Variants in LRRTM4 observed in about 807,000 individuals in gnomAD.
The protein encoded by LRRTM4 is leucine rich repeat transmembrane neuronal 4.
LRRTM4 carries 25 observed loss-of-function variants against 47.6 expected under a neutral mutation model. The ratio of observed to expected loss-of-function variants is 0.53; its 90% CI spans 0.38 to 0.73. The LOEUF is 0.73. Among genes scored for constraint, LRRTM4 ranks in the 30% least tolerant of loss-of-function variants. The probability of loss-of-function intolerance (pLI) is 0.00; values close to 1 mark genes in which losing one functional copy is unlikely to be tolerated. For missense variants in LRRTM4, 638 were observed against 713.4 expected (o/e 0.89, Z 1.20); for synonymous variants, 311 against 269.5 (o/e 1.15, Z -1.51).
At chr2:76,850,357 A>G (rs1038861780) in intron 3 of LRRTM4, among the ~76,000 whole-genome samples, 7 of 152,198 alleles carry the variant, frequency 4.6e-5, no homozygotes, top group Non-Finnish European at 8.8e-5. Flanking sequence ...TGTGGAAGAC[A>G]TATCAGAACC....
intron 3 of LRRTM4, among the ~76,000 whole-genome samples, chr2:77,135,567 T>C (rs1190064014): frequency 1.3e-5 from 2 of 152,206 alleles, no homozygotes; most frequent in African/African-American, 4.8e-5. Flanking sequence ...GTAAATGCAA[T>C]ATTTACTTAT....
chr2:77,304,654 A>C (rs1435360703), intron 3 of LRRTM4, among the ~76,000 whole-genome samples: 3 of 152,168 alleles, frequency 2.0e-5, no homozygotes, highest in Non-Finnish European at 4.4e-5. Context: ...CTAATGCCCC[A>C]ATAGCTAATA....
At chr2:76,975,486 A>G (rs1676388815) in intron 3 of LRRTM4, among the ~76,000 whole-genome samples, 2 of 151,656 alleles carry the variant, frequency 1.3e-5, no homozygotes, top group Non-Finnish European at 3.0e-5. Context: ...AAGATAAACA[A>G]CTGTATAGAT....
At chr2:76,972,412 C>CTTTTTTTTTTT (rs397869502) in intron 3 of LRRTM4, among the ~76,000 whole-genome samples, 1 of 95,258 alleles carries the variant, frequency 1.0e-5, no homozygotes, top group African/African-American at 4.4e-5. Flanking sequence ...TCATTGAACA[C>CTTTTTTTTTTT]TTTTTTTTTT....
chr2:76,798,431 T>C (rs1178380013), intron 3 of LRRTM4, among the ~76,000 whole-genome samples: 3 of 150,576 alleles, frequency 2.0e-5, no homozygotes, highest in Admixed American at 6.6e-5. Flanking sequence ...TACCAGAATC[T>C]CTGGGACGCA....
intron 3 of LRRTM4, among the ~76,000 whole-genome samples, chr2:77,014,295 G>A (rs892414705): frequency 6.6e-6 from 1 of 151,962 alleles, no homozygotes; most frequent in African/African-American, 2.4e-5. Flanking sequence ...TTAGAATATA[G>A]GACTGAGTGC....
At chr2:76,781,146 C>G (rs1378287817) in intron 3 of LRRTM4, among the ~76,000 whole-genome samples, 1 of 152,274 alleles carries the variant, frequency 6.6e-6, no homozygotes, top group African/African-American at 2.4e-5. Flanking sequence ...AGAACCACAG[C>G]TCTCTTCAAA....
At chr2:77,520,278 G>C (rs756533292) in intron 2 of LRRTM4, among the ~76,000 whole-genome samples, 25 of 152,008 alleles carry the variant, frequency 1.6e-4, no homozygotes, top group Non-Finnish European at 3.1e-4. Flanking sequence ...TAGTAAACCT[G>C]GTACCTGTAC....
In LRRTM4 at chr2:76,965,687, C is replaced by G. The variant is rs190232133; in HGVS notation, c.1552-216771G>C. On this transcript the variant is annotated intron_variant, in intron 3 of 3. Coordinates refer to ENST00000409884, the MANE Select transcript of LRRTM4 (RefSeq NM_001134745.3). The stretch of plus-strand genomic sequence containing the variant: ...GAGTAATTCTTGGTTCTACTACTTA[C>G]GCTTTTCACTAGGCATTTCAAATAA... Among the ~76,000 whole-genome samples the G allele has an allele frequency of 3.5e-3, 529 of 151,420 alleles. 1 individual carries two copies. Among genetic ancestry groups the G allele is most frequent in the African/African-American group, 0.01 (432 of 41,454 alleles).
intron 3 of LRRTM4, among the ~76,000 whole-genome samples, chr2:77,049,542 T>A (rs555296191): frequency 5.9e-5 from 9 of 152,076 alleles, no homozygotes; most frequent in African/African-American, 2.2e-4. Flanking sequence ...CTCTGATGAT[T>A]ATTGATATTG....
At chr2:77,502,338 T>C (rs1052107607) in intron 3 of LRRTM4, among the ~76,000 whole-genome samples, 1 of 151,406 alleles carries the variant, frequency 6.6e-6, no homozygotes, top group Admixed American at 6.6e-5. Flanking sequence ...CATAAACATG[T>C]AATAAAATGG....
intron 3 of LRRTM4, among the ~76,000 whole-genome samples, chr2:77,134,897 A>G (rs1212605231): frequency 6.6e-6 from 1 of 152,222 alleles, no homozygotes; most frequent in African/African-American, 2.4e-5. Flanking sequence ...AAAAGATTCA[A>G]TGTGCTCATC....
intron 3 of LRRTM4, among the ~76,000 whole-genome samples, chr2:76,869,085 C>T (rs1297504124): frequency 6.6e-6 from 1 of 151,982 alleles, no homozygotes; most frequent in Admixed American, 6.6e-5. Context: ...CCGAGGTGAG[C>T]AGATCACGAG....
intron 3 of LRRTM4, among the ~76,000 whole-genome samples, chr2:76,814,382 G>C (rs896262508): frequency 6.9e-6 from 1 of 145,820 alleles, no homozygotes; most frequent in African/African-American, 2.5e-5. Flanking sequence ...TATTATTGAA[G>C]AAAAAAGCTA....
chr2:76,803,802 T>G (rs1315532581), intron 3 of LRRTM4, among the ~76,000 whole-genome samples: 1 of 152,174 alleles, frequency 6.6e-6, no homozygotes. Flanking sequence ...TAACAGTGGT[T>G]CACGGTCCCT....
intron 3 of LRRTM4, among the ~76,000 whole-genome samples, chr2:77,380,616 T>C (rs948301171): frequency 6.6e-6 from 1 of 151,906 alleles, no homozygotes; most frequent in African/African-American, 2.4e-5. Context: ...GCCAATATGG[T>C]GAAACCCCGT....
At chr2:77,229,916 A>G (rs1230895021) in intron 3 of LRRTM4, among the ~76,000 whole-genome samples, 1 of 152,052 alleles carries the variant, frequency 6.6e-6, no homozygotes, top group African/African-American at 2.4e-5. Context: ...TGAACTTTTC[A>G]CCCACTATCT....
intron 3 of LRRTM4, among the ~76,000 whole-genome samples, chr2:77,408,396 A>T (rs1356687095): frequency 6.6e-6 from 1 of 152,212 alleles, no homozygotes; most frequent in Non-Finnish European, 1.5e-5. Flanking sequence ...GACAAAAGTG[A>T]ATTTTGAATC....
chr2:77,138,384 A>G (rs1470919191), intron 3 of LRRTM4, among the ~76,000 whole-genome samples: 1 of 152,220 alleles, frequency 6.6e-6, no homozygotes, highest in East Asian at 1.9e-4. Context: ...TGGGTACATA[A>G]CGAAATGAAG....
Sources: allele counts gnomAD v4.1 joint callset (sites outside exome capture counted in the v4.1 genomes callset), GRCh38; gene constraint gnomAD v4.1.1; transcripts MANE v1.5; gene names NCBI Gene and HGNC (gene_info 2026-07-23, HGNC 2026-07-21).